Variants in SAR1A observed in about 807,000 individuals in gnomAD.
The protein encoded by SAR1A is secretion associated Ras related GTPase 1A.
SAR1A carries 6 observed loss-of-function variants against 22.6 expected under a neutral mutation model. That is an observed-to-expected ratio of 0.27 (90% CI 0.15 to 0.52). The LOEUF (loss-of-function observed/expected upper bound fraction) is 0.52. Among genes scored for constraint, SAR1A ranks in the 20% least tolerant of loss-of-function variants. SAR1A has a pLI of 0.96. For missense variants in SAR1A, 145 were observed against 245.1 expected (o/e 0.59, Z 2.73); for synonymous variants, 70 against 82.2 (o/e 0.85, Z 0.80).
intron 5 of SAR1A, among the ~76,000 whole-genome samples, chr10:70,154,900 T>C (rs972632903): frequency 1.3e-5 from 2 of 152,144 alleles, no homozygotes; most frequent in African/African-American, 4.8e-5. Context: ...TTAGAAAAGA[T>C]CTGGAACCTA....
At chr10:70,167,780 A>T (rs925097036) in intron 1 of SAR1A, among the ~76,000 whole-genome samples, 2 of 152,204 alleles carry the variant, frequency 1.3e-5, no homozygotes, top group Non-Finnish European at 2.9e-5. Context: ...GTGGATACAT[A>T]CTAGGCTCTT....
intron 3 of SAR1A, chr10:70,161,291 CA>C (rs1839465025): frequency 1.8e-6 from 1 of 547,078 alleles, no homozygotes; most frequent in East Asian, 3.0e-5. Context: ...GCCCCACTCC[CA>C]ACAAAGAAAA....
intron 1 of SAR1A, among the ~76,000 whole-genome samples, chr10:70,169,772 A>C (rs1839601763): frequency 6.6e-6 from 1 of 152,244 alleles, no homozygotes; most frequent in Non-Finnish European, 1.5e-5. Context: ...CAACAAGACA[A>C]AGATGCTCCT....
intron 5 of SAR1A, among the ~76,000 whole-genome samples, chr10:70,155,577 A>G (rs1476897960): frequency 6.6e-6 from 1 of 152,210 alleles, no homozygotes; most frequent in Admixed American, 6.5e-5. Flanking sequence ...CACAGTCCCT[A>G]TCATGTTAGT....
At chr10:70,157,897 T>TA (rs749846472) in intron 4 of SAR1A, 30 bp from the exon 5 acceptor site, 2 of 1,408,970 alleles carry the variant, frequency 1.4e-6, no homozygotes, top group South Asian at 1.2e-5. Context: ...GTTGCATGAG[T>TA]AAAAAATATA....
At chr10:70,155,306 G>A (rs112246104) in intron 5 of SAR1A, among the ~76,000 whole-genome samples, 5 of 151,780 alleles carry the variant, frequency 3.3e-5, no homozygotes, top group African/African-American at 9.7e-5. Flanking sequence ...ATGTCTAAAT[G>A]ATTAAAAAAA....
Position 70,152,180 on chromosome 10 carries a change from G to A in SAR1A, c.*296C>T, listed in dbSNP as rs1839333696. On this transcript the variant is annotated 3_prime_UTR_variant, in exon 7 of 7. Coordinates refer to ENST00000373241, the MANE Select transcript of SAR1A (RefSeq NM_020150.5). ...TTTGAATCAACCACAGTGGTGAGAC[G>A]TGTTTTTCTTTTCAGGTGCCCCATG... 1.4e-5 allele frequency: 6 copies of A among 423,068 alleles called. No homozygotes were observed. Among genetic ancestry groups the A allele is most frequent in the East Asian group, 5.3e-5 (1 of 18,982 alleles). 26.2% of individuals were successfully genotyped at this position (423,068 alleles called of 1,614,324 possible). A position where few individuals can be genotyped will look rare whatever the true frequency, so the allele number is the denominator to read the frequency against.
chr10:70,161,061 C>T lies in SAR1A; in HGVS notation c.187G>A (p.Glu63Lys), dbSNP rs1839461828. ...HVPTLHPTSE[E>K]LTIAGMTFTT... Reference sequence around the variant, plus strand: ...AAGGTCATTCCAGCAATTGTTAGCTCTTCTGATGCTGAAAAATTGTTTAAA... The same window carrying T: ...AAGGTCATTCCAGCAATTGTTAGCTTTTCTGATGCTGAAAAATTGTTTAAA... The change falls in exon 4 of 7, where the codon GAG becomes AAG. Residue 63 changes from glutamate (E) to lysine (K), a missense_variant. Coordinates refer to ENST00000373241, the MANE Select transcript of SAR1A (RefSeq NM_020150.5). The T allele has an allele frequency of 6.2e-7, 1 of 1,611,228 alleles. No homozygotes were observed. The highest frequency in any genetic ancestry group is 8.5e-7 in the Non-Finnish European group (1 of 1,178,724).
intron 6 of SAR1A, 115 bp downstream of exon 6, chr10:70,153,723 A>G (rs2136709227): frequency 1.2e-6 from 1 of 841,180 alleles, no homozygotes; most frequent in South Asian, 2.5e-5. Context: ...TCACAGTAAA[A>G]CTAATCCTAA....
chr10:70,157,414 A>C (rs868298231), intron 5 of SAR1A, among the ~76,000 whole-genome samples: 5 of 28,088 alleles, frequency 1.8e-4, no homozygotes, highest in Non-Finnish European at 2.7e-4. Flanking sequence ...AAAAAAAAAA[A>C]AAAAAAAAAA....
At position 70,152,248 on chromosome 10, in the gene SAR1A, TC is replaced by T; in HGVS notation, c.*227del. The T allele has an allele frequency of 2.2e-6, 2 of 923,770 alleles. No homozygotes were observed. Among genetic ancestry groups the T allele is most frequent in the Non-Finnish European group, 3.2e-6 (2 of 622,958 alleles). The allele number at this position is 923,770 out of a possible 1,614,324, so 57.2% of individuals were successfully genotyped here. Reference sequence around the variant, plus strand: ...CCGGCAAATCCTGCCAGCTTCCAAGTCCCAGGATACTGACCTGCACCAGCAC... The same window carrying T: ...CCGGCAAATCCTGCCAGCTTCCAAGTCCAGGATACTGACCTGCACCAGCAC... On this transcript the variant is annotated 3_prime_UTR_variant, in exon 7 of 7. Transcript: ENST00000373241.
Position 70,147,988 on chromosome 10 carries a change from C to CT in SAR1A, c.*4487_*4488insA, listed in dbSNP as rs1839278965. Reference sequence around the variant, plus strand: ...CCGCCTCCTGGGTTCACGCTATTCTCCTGCCTCAGCCTCCCCAGTCGCTGG... The same window carrying CT: ...CCGCCTCCTGGGTTCACGCTATTCTCTCTGCCTCAGCCTCCCCAGTCGCTGG... On this transcript the variant is annotated 3_prime_UTR_variant, in exon 7 of 7. Coordinates refer to ENST00000373241, the MANE Select transcript of SAR1A (RefSeq NM_020150.5). The CT allele has an allele frequency of 6.6e-6, 1 of 152,298 alleles. No individual in the cohort carries two copies. The highest frequency in any genetic ancestry group is 6.5e-5 in the Admixed American group (1 of 15,288). The allele number at this position is 152,298 out of a possible 1,614,324, so 9.4% of individuals were successfully genotyped here.
chr10:70,155,094 G>A, intron 5 of SAR1A: 1 of 528,168 alleles, frequency 1.9e-6, no homozygotes, highest in Non-Finnish European at 3.9e-6. Flanking sequence ...TCACATTAGG[G>A]GCCAGTGTGA....
At position 70,148,816 on chromosome 10, in the gene SAR1A, A is replaced by AACAT. The variant is rs1839294614; in HGVS notation, c.*3659_*3660insATGT. 6.5e-6 allele frequency: 1 copy of AACAT among 154,798 alleles called. No individual in the cohort carries two copies. The highest frequency in any genetic ancestry group is 2.0e-4 in the South Asian group (1 of 4,886). The allele number at this position is 154,798 out of a possible 1,614,324, so 9.6% of individuals were successfully genotyped here. On this transcript the variant is annotated 3_prime_UTR_variant, in exon 7 of 7. Transcript: ENST00000373241. ...AAACAAACAAACAAACAAACAAACAAACTTTCTCTCTCGAGTCCAGTGATT... is the reference window on the plus strand; with the variant it reads ...AAACAAACAAACAAACAAACAAACAAACATACTTTCTCTCTCGAGTCCAGTGATT...
chr10:70,168,158 C>T (rs988278737), intron 1 of SAR1A, among the ~76,000 whole-genome samples: 2 of 152,184 alleles, frequency 1.3e-5, no homozygotes, highest in South Asian at 2.1e-4. Flanking sequence ...AGCTAAATCC[C>T]GGCTGCTGCT....
rs771542379 is a variant in SAR1A at position 70,151,027 on chromosome 10, T to C, written c.*1449A>G. The C allele has an allele frequency of 7.2e-5, 11 of 152,206 alleles. No individual in the cohort carries two copies. The highest frequency in any genetic ancestry group is 1.3e-4 in the Non-Finnish European group (9 of 68,020). The allele number at this position is 152,206 out of a possible 1,614,324, so 9.4% of individuals were successfully genotyped here. On this transcript the variant is annotated 3_prime_UTR_variant, in exon 7 of 7. Transcript: ENST00000373241. ...GGAGATATATCTTTTGATCTTTTAT[T>C]ATAAGGGTAGAATATAGATTAAGAT...
In SAR1A at chr10:70,153,931, G is replaced by T. The variant is rs1381721415; in HGVS notation, c.387C>A (p.Ile129=). The change falls in exon 6 of 7, where the codon ATC becomes ATA. Residue 129 remains isoleucine (I), a synonymous_variant. Transcript: ENST00000373241. ...TGTCAATTTTGTTACCCAAGATAAG[G>T]ATTGGCACATTGGATATTGTTTCAT... ...MTDETISNVP[I]LILGNKIDRT... 6.2e-7 allele frequency: 1 copy of T among 1,602,688 alleles called. No individual in the cohort carries two copies. Among genetic ancestry groups the T allele is most frequent in the Non-Finnish European group, 8.5e-7 (1 of 1,174,446 alleles).
intron 4 of SAR1A, 129 bp from the exon 5 acceptor site, chr10:70,157,996 G>T: frequency 1.6e-6 from 1 of 619,984 alleles, no homozygotes; most frequent in Non-Finnish European, 2.8e-6. Context: ...ATTTCTCCAA[G>T]TTCTGGCCAG....
chr10:70,157,757 AACATAC>A lies in SAR1A; in HGVS notation c.348+1_348+6del. On this transcript the variant is annotated splice_donor_variant and splice_donor_5th_base_variant and intron_variant, in intron 5 of 6. Coordinates refer to ENST00000373241, the MANE Select transcript of SAR1A (RefSeq NM_020150.5). LOFTEE classifies it high-confidence loss of function. ...CATTAAAATACACATTAAAGGACAAAACATACATTAAGCTCAACTTTGGATTCCACG... is the reference window on the plus strand; with the variant it reads ...CATTAAAATACACATTAAAGGACAAAATTAAGCTCAACTTTGGATTCCACG... 1 of 1,604,056 alleles carries A rather than the reference AACATAC, an allele frequency of 6.2e-7. No individual in the cohort carries two copies. The highest frequency in any genetic ancestry group is 8.5e-7 in the Non-Finnish European group (1 of 1,171,266).
Sources: gnomAD v4.1 joint callset for allele counts (sites outside exome capture counted in the v4.1 genomes callset) on GRCh38, gnomAD v4.1.1 for gene constraint, MANE v1.5 for transcripts, NCBI Gene and HGNC (gene_info 2026-07-23, HGNC 2026-07-21) for gene names.